Variants in UBAP1L observed in about 807,000 individuals in gnomAD.
UBAP1L encodes ubiquitin associated protein 1 like, also known as ubiquitin-associated protein 1-like.
In UBAP1L, 32 loss-of-function variants were observed where a neutral mutation model predicts 32.1. The observed-to-expected ratio is 1.00, with a 90% CI of 0.75 to 1.34. The LOEUF is 1.34. UBAP1L is among the 40% of genes most tolerant of loss of function. The probability of loss-of-function intolerance (pLI) is 0.00; values close to 1 mark genes in which losing one functional copy is unlikely to be tolerated. For missense variants in UBAP1L, 516 were observed against 540.5 expected (o/e 0.95, Z 0.45); for synonymous variants, 243 against 250.2 (o/e 0.97, Z 0.27).
rs1428484416 is a variant in UBAP1L, at chr15:65,102,058, G to A, written c.699+48C>T. 2.3e-6 allele frequency: 2 copies of A among 887,350 alleles called. No individual in the cohort carries two copies. Among genetic ancestry groups the A allele is most frequent in the Non-Finnish European group, 2.9e-6 (2 of 681,056 alleles). 55.0% of individuals were successfully genotyped at this position (887,350 alleles called of 1,614,324 possible). On this transcript the variant is annotated intron_variant, in intron 3 of 5. Transcript: ENST00000559089. The surrounding 1 kb of genome is among the most constrained non-coding windows in gnomAD (Gnocchi z 5.0). The stretch of plus-strand genomic sequence containing the variant: ...CTGGGCTGGACACCCAGATTATGGG[G>A]CCTGGGCTGCTGATTGGCGGCCTTG...
intron 1 of UBAP1L, among the ~76,000 whole-genome samples, chr15:65,113,487 T>C (rs2946652): frequency 1 from 152,265 of 152,284 alleles, 76,123 homozygotes; most frequent in Non-Finnish European, 1. Flanking sequence ...ATGGCTCACA[T>C]CTGTAATCCC....
intron 1 of UBAP1L, among the ~76,000 whole-genome samples, chr15:65,109,482 C>CA (rs571155403): frequency 0.68 from 43,310 of 63,302 alleles, 15,827 homozygotes; most frequent in East Asian, 0.93. Context: ...GAATCTGTCT[C>CA]AAAAAAAAAA....
At position 65,102,115 on chromosome 15, in the gene UBAP1L, A is replaced by G. The variant is rs140286289; in HGVS notation, c.690T>C (p.Pro230=). 13,264 of 1,191,250 alleles carry G rather than the reference A, an allele frequency of 0.011. 108 individuals carry two copies. The highest frequency in any genetic ancestry group is 0.025 in the Middle Eastern group (76 of 2,998). 73.8% of individuals were successfully genotyped at this position (1,191,250 alleles called of 1,614,324 possible). Residue 230 remains proline, a synonymous_variant, in exon 3 of 6, where the codon CCT becomes CCC. Coordinates refer to ENST00000559089, the MANE Select transcript of UBAP1L (RefSeq NM_001163692.2). The surrounding 1 kb of genome is among the most constrained non-coding windows in gnomAD (Gnocchi z 5.0). ...CGGGCAGAATCCTTACCGCGACCGT[A>G]GGCTTGTGGCTCCGCAGCGGGGGGA... ...GAIPPLRSHK[P]TVASLSPYTC...
intron 4 of UBAP1L, chr15:65,096,034 G>C (rs2087169971): frequency 6.6e-6 from 1 of 152,162 alleles, no homozygotes; most frequent in Non-Finnish European, 1.5e-5. Flanking sequence ...CCCCGATTAT[G>C]TAACCTGTCA....
rs1566964685 is a variant in UBAP1L, at chr15:65,094,557, G to A, written c.929C>T (p.Ala310Val). Residue 310 changes from alanine (A) to valine (V), a missense_variant, in exon 5 of 6, where the codon GCC (alanine) becomes GTC (valine). Physicochemically the swap from Ala to Val is moderately conservative, Grantham distance 64 (BLOSUM62 0). Transcript: ENST00000559089. This position sits in a 1 kb window ranked among gnomAD's most constrained non-coding sequence, Gnocchi z 4.2. ...SLSQFLSYLS[A>V]CDRLLRQGYE... ...TCCCTGACGTAACAGGCGGTCACAG[G>A]CACTGAGGTAGCTGAGAAACTGGGC... 3 of 1,551,380 alleles carry A rather than the reference G, an allele frequency of 1.9e-6. No individual in the cohort carries two copies. The highest frequency in any genetic ancestry group is 1.4e-5 in the African/African-American group (1 of 73,036).
At chr15:65,114,444 T>A (rs1430631935) in intron 1 of UBAP1L, among the ~76,000 whole-genome samples, 1 of 152,148 alleles carries the variant, frequency 6.6e-6, no homozygotes, top group Non-Finnish European at 1.5e-5. Flanking sequence ...CTGTATGAGG[T>A]TAGGGAGTAT....
intron 1 of UBAP1L, among the ~76,000 whole-genome samples, chr15:65,107,192 A>C (rs1449003085): frequency 6.6e-6 from 1 of 152,054 alleles, no homozygotes; most frequent in African/African-American, 2.4e-5. Context: ...AAAACATGAC[A>C]AAATCAATAC....
In UBAP1L at chr15:65,102,114, T is replaced by C; in HGVS notation, c.691A>G (p.Thr231Ala). 1.7e-6 allele frequency: 2 copies of C among 1,203,302 alleles called. No homozygotes were observed. The highest frequency in any genetic ancestry group is 2.1e-6 in the Non-Finnish European group (2 of 967,864). The allele number at this position is 1,203,302 out of a possible 1,614,324, so 74.5% of individuals were successfully genotyped here. The change falls in exon 3 of 6, where the codon ACG becomes GCG. Residue 231 changes from threonine to alanine, a missense_variant. Coordinates refer to ENST00000559089, the MANE Select transcript of UBAP1L (RefSeq NM_001163692.2). The surrounding 1 kb of genome is among the most constrained non-coding windows in gnomAD (Gnocchi z 5.0). Reference protein sequence around the residue: ...AIPPLRSHKPTVASLSPYTCL... With the variant: ...AIPPLRSHKPAVASLSPYTCL... Reference sequence around the variant, plus strand: ...GCGGGCAGAATCCTTACCGCGACCGTAGGCTTGTGGCTCCGCAGCGGGGGG... The same window carrying C: ...GCGGGCAGAATCCTTACCGCGACCGCAGGCTTGTGGCTCCGCAGCGGGGGG...
intron 1 of UBAP1L, among the ~76,000 whole-genome samples, chr15:65,110,523 CA>C (rs75317473): frequency 4.6e-4 from 60 of 130,704 alleles, no homozygotes; most frequent in Middle Eastern, 4.6e-3. Context: ...ACTAAAAATA[CA>C]AAAAAAAAAA....
chr15:65,102,390 C>T lies in UBAP1L; in HGVS notation c.415G>A (p.Gly139Ser), dbSNP rs984721844. 3 of 1,437,600 alleles carry T rather than the reference C, an allele frequency of 2.1e-6. No individual in the cohort carries two copies. The highest frequency in any genetic ancestry group is 2.8e-5 in the East Asian group (1 of 35,270). 89.1% of individuals were successfully genotyped at this position (1,437,600 alleles called of 1,614,324 possible). A position where few individuals can be genotyped will look rare whatever the true frequency, so the allele number is the denominator to read the frequency against. Reference protein sequence around the residue: ...QPGSPASPGPGRRLCSLDVLR... With the variant: ...QPGSPASPGPSRRLCSLDVLR... Reference sequence around the variant, plus strand: ...ACGTCCAGCGAGCACAGGCGACGGCCGGGGCCGGGGCTCGCCGGGGAGCCC... The same window carrying T: ...ACGTCCAGCGAGCACAGGCGACGGCTGGGGCCGGGGCTCGCCGGGGAGCCC... The change falls in exon 3 of 6, where the codon GGC becomes AGC. Residue 139 changes from glycine (G) to serine (S), a missense_variant. Transcript: ENST00000559089. This position sits in a 1 kb window ranked among gnomAD's most constrained non-coding sequence, Gnocchi z 5.0.
At chr15:65,093,515 G>A (rs1216590858) in intron 5 of UBAP1L, among the ~76,000 whole-genome samples, 3 of 152,192 alleles carry the variant, frequency 2.0e-5, no homozygotes, top group Admixed American at 2.0e-4. Context: ...ACTTTCTGCT[G>A]GGGCAGGAGG....
rs565850617 is a variant in UBAP1L at position 65,109,367 on chromosome 15, C to CA, written c.-173-2980dup. Among the ~76,000 whole-genome samples, 712 of 148,754 alleles carry CA rather than the reference C, an allele frequency of 4.8e-3. 3 individuals carry two copies. The highest frequency in any genetic ancestry group is 0.017 in the African/African-American group (694 of 40,458). On this transcript the variant is annotated intron_variant, in intron 1 of 5. Coordinates refer to ENST00000559089, the MANE Select transcript of UBAP1L (RefSeq NM_001163692.2). ...GCATAGTGGTGGGCGCCTGTAGTCC[C>CA]AGCTACTCAGGAGGCTGAGGCAGGA... is the stretch of plus-strand genomic sequence containing the variant.
intron 4 of UBAP1L, chr15:65,098,331 A>C (rs1353888662): frequency 1.3e-5 from 2 of 152,264 alleles, no homozygotes; most frequent in African/African-American, 4.8e-5. Context: ...CCCTCCTGGA[A>C]TATCACCCCT....
intron 1 of UBAP1L, among the ~76,000 whole-genome samples, chr15:65,109,206 C>G (rs1450105672): frequency 1.3e-5 from 2 of 148,612 alleles, no homozygotes; most frequent in African/African-American, 2.5e-5. Context: ...TCCATTTGGC[C>G]GGGCGTGGTG....
intron 4 of UBAP1L, chr15:65,095,741 C>T (rs1386332591): frequency 6.6e-6 from 1 of 152,262 alleles, no homozygotes; most frequent in East Asian, 1.9e-4. Context: ...AAGTGCACAT[C>T]ATCTAGACTA....
At chr15:65,106,920 C>A (rs1373822553) in intron 1 of UBAP1L, among the ~76,000 whole-genome samples, 1 of 152,052 alleles carries the variant, frequency 6.6e-6, no homozygotes. Context: ...GGATTACAGG[C>A]GTGAGCCACT....
chr15:65,111,682 G>A (rs973620407), intron 1 of UBAP1L, among the ~76,000 whole-genome samples: 11 of 150,436 alleles, frequency 7.3e-5, no homozygotes, highest in African/African-American at 1.2e-4. Flanking sequence ...GTGGGGTTTC[G>A]CCATACTGGT....
chr15:65,107,819 C>A (rs1295602245), intron 1 of UBAP1L, among the ~76,000 whole-genome samples: 1 of 149,964 alleles, frequency 6.7e-6, no homozygotes, highest in African/African-American at 2.5e-5. Context: ...AAATCTAACA[C>A]AAGATGTATG....
intron 2 of UBAP1L, among the ~76,000 whole-genome samples, chr15:65,104,012 TGGGAGGCTGA>T (rs1478566338): frequency 6.6e-6 from 1 of 152,150 alleles, no homozygotes; most frequent in Non-Finnish European, 1.5e-5. Flanking sequence ...CCCAGCACTT[TGGGAGGCTGA>T]GGCAGGTGGA....
Sources: gnomAD v4.1 joint callset for allele counts (sites outside exome capture counted in the v4.1 genomes callset) on GRCh38, gnomAD v4.1.1 for gene constraint, Gnocchi (gnomAD v3.1) non-coding constraint, MANE v1.5 for transcripts, NCBI Gene and HGNC (gene_info 2026-07-23, HGNC 2026-07-21) for gene names.